PIAS4: variants seen among roughly 807,000 people sequenced by gnomAD.
The protein encoded by PIAS4 is E3 SUMO-protein ligase PIAS4.
Under a neutral mutation model 58.0 loss-of-function variants are expected in PIAS4, and 7 were observed. The observed-to-expected ratio is 0.12, with a 90% CI of 0.07 to 0.23. The LOEUF (loss-of-function observed/expected upper bound fraction) is 0.23, where lower values mean the gene tolerates loss of function less well. Among genes scored for constraint, PIAS4 ranks in the 10% least tolerant of loss-of-function variants. The pLI is 1.00. For missense variants in PIAS4, 550 were observed against 709.5 expected, an observed-to-expected ratio of 0.78 and a Z score of 2.55; for synonymous variants, 364 against 312.4, an observed-to-expected ratio of 1.17 and a Z score of -1.74.
At chr19:4,035,911 C>CCACACCA (rs1568221711) in intron 9 of PIAS4, among the ~76,000 whole-genome samples, 1 of 11,006 alleles carries the variant, frequency 9.1e-5, no homozygotes, top group Non-Finnish European at 2.1e-4. Flanking sequence ...TCCACACCGT[C>CCACACCA]TCACACACAC....
In PIAS4 at chr19:4,033,178, G is replaced by A; in HGVS notation, c.981+5G>A. On this transcript the variant is annotated splice_donor_5th_base_variant and intron_variant, in intron 8 of 10. Coordinates refer to ENST00000262971, the MANE Select transcript of PIAS4 (RefSeq NM_015897.4). Reference sequence around the variant, plus strand: ...CGGGTGTCCCTCATCTGTCCGGTGAGTCGGGGCGCGGTCCCCTCCTCGAGG... The same window carrying A: ...CGGGTGTCCCTCATCTGTCCGGTGAATCGGGGCGCGGTCCCCTCCTCGAGG... 6.2e-7 allele frequency: 1 copy of A among 1,606,826 alleles called. No individual in the cohort carries two copies. Among genetic ancestry groups the A allele is most frequent in the Non-Finnish European group, 8.5e-7 (1 of 1,178,312 alleles).
At position 4,013,427 on chromosome 19, in the gene PIAS4, C is replaced by A; in HGVS notation, c.454+78C>A. ...CGCCCAGCCCAGCCCAGCCACACAGCCGACTTCGAGTGATGTTCTCTGTGG... is the reference window on the plus strand; with the variant it reads ...CGCCCAGCCCAGCCCAGCCACACAGACGACTTCGAGTGATGTTCTCTGTGG... On this transcript the variant is annotated intron_variant, in intron 2 of 10. Coordinates refer to ENST00000262971, the MANE Select transcript of PIAS4 (RefSeq NM_015897.4). This position sits in a 1 kb window ranked among gnomAD's most constrained non-coding sequence, Gnocchi z 5.1. 7.6e-7 allele frequency: 1 copy of A among 1,312,020 alleles called. No individual in the cohort carries two copies. Among genetic ancestry groups the A allele is most frequent in the South Asian group, 1.3e-5 (1 of 75,828 alleles). 81.3% of individuals were successfully genotyped at this position (1,312,020 alleles called of 1,614,324 possible). A position where few individuals can be genotyped will look rare whatever the true frequency, so the allele number is the denominator to read the frequency against.
rs1483138504 is a variant in PIAS4, at chr19:4,038,214, C to G, written c.*339C>G. 1 of 270,594 alleles carries G rather than the reference C, an allele frequency of 3.7e-6. No homozygotes were observed. Among genetic ancestry groups the G allele is most frequent in the South Asian group, 4.1e-5 (1 of 24,348 alleles). 16.8% of individuals were successfully genotyped at this position (270,594 alleles called of 1,614,324 possible). A position where few individuals can be genotyped will look rare whatever the true frequency, so the allele number is the denominator to read the frequency against. ...GAGGGACCAGGACGCCGCCCCGCGCCCTCCCCTCCGGATGCCCCGCCGCCC... is the reference window on the plus strand; with the variant it reads ...GAGGGACCAGGACGCCGCCCCGCGCGCTCCCCTCCGGATGCCCCGCCGCCC... On this transcript the variant is annotated 3_prime_UTR_variant, in exon 11 of 11. Transcript: ENST00000262971. The surrounding 1 kb of genome is among the most constrained non-coding windows in gnomAD (Gnocchi z 4.1).
At chr19:4,016,465 A>G (rs906397795) in intron 2 of PIAS4, among the ~76,000 whole-genome samples, 8 of 152,230 alleles carry the variant, frequency 5.3e-5, no homozygotes, top group African/African-American at 1.9e-4. Context: ...TGTGCCCTTC[A>G]GCCTCTGAAG....
intron 1 of PIAS4, among the ~76,000 whole-genome samples, chr19:4,009,500 CTT>C (rs1490686726): frequency 6.6e-6 from 1 of 152,072 alleles, no homozygotes; most frequent in African/African-American, 2.4e-5. Flanking sequence ...GGTCTGCACT[CTT>C]TTGTACCATC....
At chr19:4,027,194 C>G (rs2040174266) in intron 3 of PIAS4, among the ~76,000 whole-genome samples, 1 of 152,080 alleles carries the variant, frequency 6.6e-6, no homozygotes, top group Non-Finnish European at 1.5e-5. Flanking sequence ...CACCATATTG[C>G]CCAGGCTTGT....
intron 3 of PIAS4, among the ~76,000 whole-genome samples, chr19:4,025,118 C>G (rs567310772): frequency 6.6e-6 from 1 of 152,182 alleles, no homozygotes; most frequent in Non-Finnish European, 1.5e-5. Context: ...CCCTCCATAC[C>G]GTGGATAGTG....
rs541009612 is a variant in PIAS4, at chr19:4,028,012, C to T, written c.540-134C>T. ...CTCACCCAGCCCGTACAAAAGAGTC[C>T]TGGGCCTCAGTTTCCCAGCTCTGGG... On this transcript the variant is annotated intron_variant, in intron 3 of 10. Coordinates refer to ENST00000262971, the MANE Select transcript of PIAS4 (RefSeq NM_015897.4). 147 of 874,690 alleles carry T rather than the reference C, an allele frequency of 1.7e-4. No homozygotes were observed. In the African/African-American group the frequency reaches 2.0e-3, roughly 12 times the overall value. The allele number at this position is 874,690 out of a possible 1,614,324, so 54.2% of individuals were successfully genotyped here.
At chr19:4,014,118 T>C (rs2040028056) in intron 2 of PIAS4, among the ~76,000 whole-genome samples, 2 of 152,174 alleles carry the variant, frequency 1.3e-5, no homozygotes, top group African/African-American at 4.8e-5. Flanking sequence ...GTCAGTGGGC[T>C]CAGGTCACTG....
chr19:4,007,840 C>T (rs1341365911), intron 1 of PIAS4, 53 bp downstream of exon 1: 1 of 1,189,596 alleles, frequency 8.4e-7, no homozygotes, highest in Non-Finnish European at 1.0e-6. Flanking sequence ...AGGGCGGGGG[C>T]CGGGCCGCAG....
chr19:4,020,888 G>T (rs561226667), intron 2 of PIAS4, among the ~76,000 whole-genome samples: 1 of 152,104 alleles, frequency 6.6e-6, no homozygotes, highest in East Asian at 1.9e-4. Context: ...GGCATGAGCC[G>T]CTGTGCCCAG....
intron 9 of PIAS4, among the ~76,000 whole-genome samples, chr19:4,034,577 G>T (rs139599890): frequency 1.3e-5 from 2 of 152,336 alleles, no homozygotes; most frequent in African/African-American, 4.8e-5. Context: ...TCCCAGCTTC[G>T]GGTAGAGAGA....
chr19:4,026,073 C>CAAAAAAAAA (rs34554020), intron 3 of PIAS4, among the ~76,000 whole-genome samples: 8 of 76,796 alleles, frequency 1.0e-4, no homozygotes, highest in African/African-American at 4.8e-4. Context: ...GACTCCGTCT[C>CAAAAAAAAA]AAAAAAAAAA....
intron 7 of PIAS4, among the ~76,000 whole-genome samples, chr19:4,031,900 A>T (rs1037710027): frequency 6.6e-6 from 1 of 152,190 alleles, no homozygotes; most frequent in Admixed American, 6.5e-5. Flanking sequence ...CCCCTTTGCC[A>T]GGCTTGAGGG....
chr19:4,029,946 C>A (rs1000343848), intron 7 of PIAS4, among the ~76,000 whole-genome samples: 1 of 150,274 alleles, frequency 6.7e-6, no homozygotes, highest in African/African-American at 2.4e-5. Context: ...CCTCAGCCTC[C>A]TGAGTAGCTG....
Position 4,028,559 on chromosome 19 carries a change from A to G in PIAS4, c.631A>G (p.Asn211Asp). 1 of 1,612,842 alleles carries G rather than the reference A, an allele frequency of 6.2e-7. No homozygotes were observed. The highest frequency in any genetic ancestry group is 1.3e-5 in the African/African-American group (1 of 74,928). ...SCPQEDQYPP[N>D]IAVKVNHSYC... ...CCCTCAGGAGGACCAGTACCCGCCC[A>G]ACATCGCTGTGAAGGTCAACCACAG... The change falls in exon 5 of 11, where the codon AAC becomes GAC. Residue 211 changes from asparagine to aspartate, a missense_variant. Around this residue, in one of 4 missense-constraint regions of PIAS4, gnomAD observed 225 missense variants for 345.8 expected, o/e 0.65. Coordinates refer to ENST00000262971, the MANE Select transcript of PIAS4 (RefSeq NM_015897.4).
In PIAS4 at chr19:4,013,113, C is replaced by G; in HGVS notation, c.218C>G (p.Pro73Arg). 6.2e-7 allele frequency: 1 copy of G among 1,613,402 alleles called. No homozygotes were observed. The highest frequency in any genetic ancestry group is 8.5e-7 in the Non-Finnish European group (1 of 1,180,002). The change falls in exon 2 of 11, where the codon CCT becomes CGT. Residue 73 changes from proline to arginine, a missense_variant. Around this residue, in one of 4 missense-constraint regions of PIAS4, gnomAD observed 95 missense variants for 87.5 expected, o/e 1.09. Transcript: ENST00000262971. The surrounding 1 kb of genome is among the most constrained non-coding windows in gnomAD (Gnocchi z 5.1). Reference sequence around the variant, plus strand: ...CGCTACGCCAAGAAGAACTCGGAGCCTGCCCCACAGCCGCACCGGCCCCTG... The same window carrying G: ...CGCTACGCCAAGAAGAACTCGGAGCGTGCCCCACAGCCGCACCGGCCCCTG... ...ETRYAKKNSE[P>R]APQPHRPLDP...
In PIAS4 at chr19:4,037,516, A is replaced by AT; in HGVS notation, c.1273+12_1273+13insT. On this transcript the variant is annotated intron_variant, in intron 10 of 10. Coordinates refer to ENST00000262971, the MANE Select transcript of PIAS4 (RefSeq NM_015897.4). This position sits in a 1 kb window ranked among gnomAD's most constrained non-coding sequence, Gnocchi z 5.8. ...CATCCTCGTGCTGGGTGAGTGCCTC[A>AT]CCCCACCAGCCGCGCAGTCCGCAGC... 6.2e-7 allele frequency: 1 copy of AT among 1,608,642 alleles called. No homozygotes were observed. The highest frequency in any genetic ancestry group is 8.5e-7 in the Non-Finnish European group (1 of 1,179,428).
At chr19:4,032,408 C>A (rs1040484727) in intron 7 of PIAS4, among the ~76,000 whole-genome samples, 5 of 152,174 alleles carry the variant, frequency 3.3e-5, no homozygotes, top group Admixed American at 1.3e-4. Context: ...ATGGAGTTTA[C>A]CCTGGGATGG....
Sources: gnomAD v4.1 joint callset for allele counts (sites outside exome capture counted in the v4.1 genomes callset) on GRCh38, gnomAD v4.1.1 for gene constraint, gnomAD v4.1.1 regional missense constraint, Gnocchi (gnomAD v3.1) non-coding constraint, MANE v1.5 for transcripts, NCBI Gene and HGNC (gene_info 2026-07-23, HGNC 2026-07-21) for gene names.